The following SHQ1 variants were observed in gnomAD, a reference collection of about 807,000 sequenced individuals.
The protein encoded by SHQ1 is protein SHQ1 homolog.
A neutral mutation model predicts 53.8 loss-of-function variants in SHQ1; 49 were observed. That is an observed-to-expected ratio of 0.91 (90% CI 0.72 to 1.16). The LOEUF (loss-of-function observed/expected upper bound fraction) is 1.16, where lower values mean the gene tolerates loss of function less well. Ranked by LOEUF, SHQ1 falls within the 50% of genes most tolerant of loss-of-function variation. SHQ1 has a pLI of 0.00. For synonymous variants in SHQ1, 243 were observed against 251.0 expected (o/e 0.97, Z 0.30); for missense variants, 738 against 683.1 (o/e 1.08, Z -0.90).
chr3:72,755,361 T>A (rs1705478942), intron 10 of SHQ1, among the ~76,000 whole-genome samples: 1 of 152,198 alleles, frequency 6.6e-6, no homozygotes. Context: ...TTGCCAAGCT[T>A]CATTTCTATT....
chr3:72,761,879 A>AT (rs1383453969), intron 10 of SHQ1, among the ~76,000 whole-genome samples: 1 of 152,198 alleles, frequency 6.6e-6, no homozygotes, highest in Admixed American at 6.5e-5. Context: ...CTGGTTCACA[A>AT]TTATATAGAG....
At chr3:72,808,313 C>A (rs1322955840) in intron 9 of SHQ1, among the ~76,000 whole-genome samples, 1 of 152,188 alleles carries the variant, frequency 6.6e-6, no homozygotes, top group African/African-American at 2.4e-5. Flanking sequence ...CTTGTTTCAG[C>A]TACACCCCAC....
chr3:72,777,088 A>G (rs543474165), intron 10 of SHQ1, among the ~76,000 whole-genome samples: 1 of 152,346 alleles, frequency 6.6e-6, no homozygotes, highest in South Asian at 2.1e-4. Context: ...GCAAAATGCA[A>G]AAGAATAAAA....
intron 9 of SHQ1, among the ~76,000 whole-genome samples, chr3:72,796,928 TAAAAAAAAA>T (rs60237295): frequency 1.7e-5 from 2 of 119,884 alleles, no homozygotes; most frequent in Non-Finnish European, 3.5e-5. Context: ...CCTATTTTCT[TAAAAAAAAA>T]AAAAAAAAAA....
At chr3:72,805,505 C>G (rs1706912555) in intron 9 of SHQ1, among the ~76,000 whole-genome samples, 1 of 152,098 alleles carries the variant, frequency 6.6e-6, no homozygotes, top group Non-Finnish European at 1.5e-5. Flanking sequence ...AATCTCAAAA[C>G]TGACTTTAAA....
chr3:72,844,497 C>T, intron 1 of SHQ1, 74 bp from the exon 2 acceptor site: 2 of 1,070,998 alleles, frequency 1.9e-6, no homozygotes, highest in Non-Finnish European at 2.9e-6. Flanking sequence ...TACTTGCAAA[C>T]ATTTAACCAT....
chr3:72,819,686 G>C (rs906491488), intron 6 of SHQ1, among the ~76,000 whole-genome samples: 1 of 152,080 alleles, frequency 6.6e-6, no homozygotes, highest in Admixed American at 6.6e-5. Flanking sequence ...CATATAAGCA[G>C]ACCTATGCAT....
intron 10 of SHQ1, among the ~76,000 whole-genome samples, chr3:72,759,076 T>C (rs1180540142): frequency 1.3e-5 from 2 of 152,266 alleles, no homozygotes; most frequent in African/African-American, 2.4e-5. Context: ...ATCTTCACTC[T>C]GTTTGTGTCT....
chr3:72,756,168 G>A (rs1187445349), intron 10 of SHQ1, among the ~76,000 whole-genome samples: 1 of 152,192 alleles, frequency 6.6e-6, no homozygotes, highest in Non-Finnish European at 1.5e-5. Flanking sequence ...CCAGAGTTCT[G>A]TGATTACAGG....
intron 9 of SHQ1, among the ~76,000 whole-genome samples, chr3:72,804,413 G>A (rs970790471): frequency 1.3e-5 from 2 of 151,526 alleles, no homozygotes; most frequent in African/African-American, 2.4e-5. Context: ...TCCCTCCTCC[G>A]GCACCACCCC....
intron 10 of SHQ1, among the ~76,000 whole-genome samples, chr3:72,788,210 G>A (rs190591010): frequency 4.0e-5 from 6 of 151,486 alleles, no homozygotes; most frequent in African/African-American, 1.2e-4. Context: ...CTGCCCGGCC[G>A]CCCAGTCTGG....
chr3:72,781,831 C>G (rs942399835), intron 10 of SHQ1, among the ~76,000 whole-genome samples: 1 of 152,044 alleles, frequency 6.6e-6, no homozygotes, highest in South Asian at 2.1e-4. Context: ...TTTTTGCCAT[C>G]AATCCCTGTA....
At position 72,844,426 on chromosome 3, in the gene SHQ1, G is replaced by C; in HGVS notation, c.144-3C>G. 6.2e-7 allele frequency: 1 copy of C among 1,613,050 alleles called. No individual in the cohort carries two copies. Among genetic ancestry groups the C allele is most frequent in the Middle Eastern group, 1.7e-4 (1 of 6,058 alleles). ...CAATTCTTCCAGGAAGGGTTAATCT[G>C]CAGATTTAACACAGGTCTCATGAAG... On this transcript the variant is annotated splice_region_variant and splice_polypyrimidine_tract_variant and intron_variant, in intron 1 of 10. Coordinates refer to ENST00000325599, the MANE Select transcript of SHQ1 (RefSeq NM_018130.3).
rs184728169 is a variant in SHQ1 at position 72,767,440 on chromosome 3, G to C, written c.1182-16604C>G. Among the ~76,000 whole-genome samples the C allele has an allele frequency of 2.0e-3, 301 of 152,316 alleles. 2 individuals are homozygous for C. The highest frequency in any genetic ancestry group is 6.6e-3 in the African/African-American group (276 of 41,570). On this transcript the variant is annotated intron_variant, in intron 10 of 10. Coordinates refer to ENST00000325599, the MANE Select transcript of SHQ1 (RefSeq NM_018130.3). ...GACATTTGCCAGCAGAACCACTGGA[G>C]AATCTGTCCTATATCACTGGGCCCA...
At chr3:72,780,107 T>C (rs1706041673) in intron 10 of SHQ1, among the ~76,000 whole-genome samples, 2 of 152,210 alleles carry the variant, frequency 1.3e-5, no homozygotes. Flanking sequence ...AAAAAAGGTA[T>C]GATAAGCCTT....
chr3:72,839,763 G>T (rs541934438), intron 4 of SHQ1, among the ~76,000 whole-genome samples: 1 of 152,110 alleles, frequency 6.6e-6, no homozygotes, highest in Admixed American at 6.5e-5. Context: ...GTTTTGTTTT[G>T]TTGTGTTTGT....
Position 72,812,773 on chromosome 3 carries a change from T to G in SHQ1, c.958A>C (p.Ile320Leu), listed in dbSNP as rs1559684208. Reference sequence around the variant, plus strand: ...ACCCTTCTTCCAAAAGACACCATGATATCATGAACGTTAGTCCAAGTCTGT... The same window carrying G: ...ACCCTTCTTCCAAAAGACACCATGAGATCATGAACGTTAGTCCAAGTCTGT... ...WFETWTNVHD[I>L]MVSFGRRVLC... The change falls in exon 9 of 11, where the codon ATC (isoleucine) becomes CTC (leucine). Residue 320 changes from isoleucine (I) to leucine (L), a missense_variant. Transcript: ENST00000325599. 5 of 1,614,082 alleles carry G rather than the reference T, an allele frequency of 3.1e-6. No homozygotes were observed. The highest frequency in any genetic ancestry group is 4.2e-6 in the Non-Finnish European group (5 of 1,179,988).
At chr3:72,772,207 T>G (rs1705869544) in intron 10 of SHQ1, among the ~76,000 whole-genome samples, 2 of 146,240 alleles carry the variant, frequency 1.4e-5, no homozygotes, top group African/African-American at 2.5e-5. Flanking sequence ...GTAGAGAAAA[T>G]GGAATGTGCC....
chr3:72,836,444 A>G (rs1265148171), intron 4 of SHQ1, among the ~76,000 whole-genome samples: 1 of 151,974 alleles, frequency 6.6e-6, no homozygotes, highest in Non-Finnish European at 1.5e-5. Context: ...AGCTGAGATC[A>G]CGCCACTGCA....
Sources: gnomAD v4.1 joint callset for allele counts (sites outside exome capture counted in the v4.1 genomes callset) on GRCh38, gnomAD v4.1.1 for gene constraint, MANE v1.5 for transcripts, NCBI Gene and HGNC (gene_info 2026-07-23, HGNC 2026-07-21) for gene names.